The following STX18 variants were observed in gnomAD, a reference collection of about 807,000 sequenced individuals.
STX18 encodes the protein syntaxin 18.
Under a neutral mutation model 50.1 loss-of-function variants are expected in STX18, and 40 were observed. That is an observed-to-expected ratio of 0.80 (90% CI 0.62 to 1.04). The LOEUF is 1.04. Among genes scored for constraint, STX18 ranks in the 50% least tolerant of loss-of-function variants. The pLI is 0.00. For synonymous variants in STX18, 158 were observed against 151.8 expected (o/e 1.04, Z -0.30); for missense variants, 410 against 415.8 (o/e 0.99, Z 0.12).
chr4:4,459,433 G>A lies in STX18; in HGVS notation c.291C>T (p.Asp97=). Residue 97 remains aspartate (D), a synonymous_variant, in exon 3 of 11, where the codon GAC becomes GAT. Coordinates refer to ENST00000306200, the MANE Select transcript of STX18 (RefSeq NM_016930.4). ...RMTDTERDQI[D]QDAQIFMRTC... is the part of the protein sequence containing the mutation. ...TCCTCATGAATATCTGGGCATCCTG[G>A]TCTATCTGGTCTCGTTCTGTGTCTG... The A allele has an allele frequency of 6.2e-7, 1 of 1,614,090 alleles. No individual in the cohort carries two copies.
At chr4:4,438,807 C>A (rs1014656087) in intron 5 of STX18, among the ~76,000 whole-genome samples, 2 of 151,962 alleles carry the variant, frequency 1.3e-5, no homozygotes, top group Non-Finnish European at 2.9e-5. Context: ...CATAGACTGA[C>A]ACACCGCACT....
intron 5 of STX18, among the ~76,000 whole-genome samples, chr4:4,451,018 C>T (rs1726716147): frequency 6.6e-6 from 1 of 152,210 alleles, no homozygotes; most frequent in Non-Finnish European, 1.5e-5. Flanking sequence ...TAACTATATA[C>T]AGAATGTCTA....
Position 4,465,547 on chromosome 4 carries a change from C to G in STX18, c.237-6060G>C, listed in dbSNP as rs375736312. Among the ~76,000 whole-genome samples, 19 of 152,196 alleles carry G rather than the reference C, an allele frequency of 1.2e-4. No individual in the cohort carries two copies. In the East Asian group the frequency reaches 1.5e-3, roughly 12 times the overall value. Reference sequence around the variant, plus strand: ...ACATGTTCTCACTTATAAATGGGAGCTGAATTATGGGAACGCATGGACATG... The same window carrying G: ...ACATGTTCTCACTTATAAATGGGAGGTGAATTATGGGAACGCATGGACATG... On this transcript the variant is annotated intron_variant, in intron 2 of 10. Coordinates refer to ENST00000306200, the MANE Select transcript of STX18 (RefSeq NM_016930.4).
At chr4:4,471,790 C>G in intron 1 of STX18, 84 bp from the exon 2 acceptor site, 1 of 1,019,312 alleles carries the variant, frequency 9.8e-7, no homozygotes. Flanking sequence ...GAATAAAATG[C>G]AAATTGCAGA....
chr4:4,526,798 A>G (rs1730785335), intron 1 of STX18, among the ~76,000 whole-genome samples: 1 of 152,088 alleles, frequency 6.6e-6, no homozygotes, highest in African/African-American at 2.4e-5. Context: ...GTGAGACTCT[A>G]TCTCCAAAAA....
intron 5 of STX18, among the ~76,000 whole-genome samples, chr4:4,447,592 CAAAAAAAAAAAAAAAAAAAAAA>C (rs34300930): frequency 8.7e-4 from 40 of 45,904 alleles, no homozygotes; most frequent in Non-Finnish European, 1.4e-3. Context: ...CTCCGTCTCA[CAAAAAAAAAAAAAAAAAAAAAA>C]AAAAAAAAAA....
chr4:4,439,521 C>T (rs1725991365), intron 5 of STX18, among the ~76,000 whole-genome samples: 1 of 140,160 alleles, frequency 7.1e-6, no homozygotes, highest in Non-Finnish European at 1.5e-5. Flanking sequence ...TATACATACA[C>T]ATATACTCCC....
At chr4:4,537,967 A>G (rs2108933518) in intron 1 of STX18, among the ~76,000 whole-genome samples, 1 of 152,324 alleles carries the variant, frequency 6.6e-6, no homozygotes, top group African/African-American at 2.4e-5. Flanking sequence ...GCATTAAACC[A>G]GGTCAAAGGA....
intron 5 of STX18, among the ~76,000 whole-genome samples, chr4:4,442,945 G>A (rs1001549780): frequency 2.6e-5 from 4 of 151,906 alleles, no homozygotes; most frequent in African/African-American, 9.7e-5. Context: ...TTCCTCATAA[G>A]AAGATGATGC....
At chr4:4,422,915 A>C (rs565322996) in intron 9 of STX18, among the ~76,000 whole-genome samples, 2 of 152,376 alleles carry the variant, frequency 1.3e-5, no homozygotes, top group Non-Finnish European at 2.9e-5. Context: ...TAAAAATAAA[A>C]GGGCAAATTT....
rs1730096172 is a variant in STX18, at chr4:4,513,380, C to G, written c.168+28417G>C. Among the ~76,000 whole-genome samples the G allele has an allele frequency of 2.6e-5, 4 of 152,252 alleles. No homozygotes were observed. The South Asian group carries it at 8.3e-4, about 32-fold the overall frequency. ...GATTACAGCTTTATCCCAGAAGCAG[C>G]ACCACTTTATCCAGCCAGGAGCCAA... On this transcript the variant is annotated intron_variant, in intron 1 of 10. Coordinates refer to ENST00000306200, the MANE Select transcript of STX18 (RefSeq NM_016930.4).
intron 2 of STX18, among the ~76,000 whole-genome samples, chr4:4,468,866 G>C (rs1010896420): frequency 6.6e-6 from 1 of 152,120 alleles, no homozygotes; most frequent in African/African-American, 2.4e-5. Flanking sequence ...GTCTCAAAGT[G>C]GAAACAGCCC....
At chr4:4,496,241 C>T (rs1262079710) in intron 1 of STX18, among the ~76,000 whole-genome samples, 1 of 152,150 alleles carries the variant, frequency 6.6e-6, no homozygotes, top group African/African-American at 2.4e-5. Flanking sequence ...GGTAAGGTAA[C>T]AGAGAGGCCT....
chr4:4,451,364 A>G (rs752692087), intron 5 of STX18, among the ~76,000 whole-genome samples: 6 of 152,250 alleles, frequency 3.9e-5, no homozygotes, highest in Non-Finnish European at 8.8e-5. Flanking sequence ...TATAATTATT[A>G]GACAAAAGTA....
At chr4:4,446,518 C>T (rs770928369) in intron 5 of STX18, among the ~76,000 whole-genome samples, 2 of 152,186 alleles carry the variant, frequency 1.3e-5, no homozygotes, top group African/African-American at 2.4e-5. Context: ...AGATACTTCA[C>T]AGGAAGAAAA....
intron 6 of STX18, 115 bp from the exon 7 acceptor site, chr4:4,434,973 T>C: frequency 1.4e-6 from 1 of 698,482 alleles, no homozygotes; most frequent in South Asian, 2.1e-5. Context: ...GCTTTGTCTA[T>C]ATATTTCATG....
rs770257333 is a variant in STX18 at position 4,420,928 on chromosome 4, C to T, written c.848G>A (p.Ser283Asn). Residue 283 changes from serine to asparagine, a missense_variant, in exon 10 of 11, where the codon AGC becomes AAC. Transcript: ENST00000306200. The surrounding 1 kb of genome is among the most constrained non-coding windows in gnomAD (Gnocchi z 4.3). Reference protein sequence around the residue: ...KVLQQEAEIDSIHQLVVGATE... With the variant: ...KVLQQEAEIDNIHQLVVGATE... ...TGCCCCCACAACTAACTGGTGAATG[C>T]TGTCAATCTCAGCTTCCTGTGGAAG... 3.0e-5 allele frequency: 49 copies of T among 1,613,974 alleles called. No homozygotes were observed. The highest frequency in any genetic ancestry group is 3.9e-5 in the Non-Finnish European group (46 of 1,179,996).
At position 4,420,856 on chromosome 4, in the gene STX18, G is replaced by A. The variant is rs755870966; in HGVS notation, c.912+8C>T. On this transcript the variant is annotated splice_region_variant and intron_variant, in intron 10 of 10. Coordinates refer to ENST00000306200, the MANE Select transcript of STX18 (RefSeq NM_016930.4). The surrounding 1 kb of genome is among the most constrained non-coding windows in gnomAD (Gnocchi z 4.3). ...ACGTCGCACCTGGGGAACCTAAACA[G>A]TGCCTACCTCTCTTATGTCTTCGTT... 3 of 1,613,778 alleles carry A rather than the reference G, an allele frequency of 1.9e-6. No individual in the cohort carries two copies. The highest frequency in any genetic ancestry group is 2.7e-5 in the African/African-American group (2 of 74,938).
chr4:4,474,679 A>G lies in STX18; in HGVS notation c.169-2973T>C, dbSNP rs533149463. Among the ~76,000 whole-genome samples, 7 of 152,312 alleles carry G rather than the reference A, an allele frequency of 4.6e-5. No homozygotes were observed. In the South Asian group the frequency reaches 1.5e-3, roughly 32 times the overall value. ...CAGAAGGGAGAGTGAGAGTAATGCA[A>G]TGTGAGAAAGACTCATTCCAATGTT... is the stretch of plus-strand genomic sequence containing the variant. On this transcript the variant is annotated intron_variant, in intron 1 of 10. Transcript: ENST00000306200.
Sources: gnomAD v4.1 joint callset for allele counts (sites outside exome capture counted in the v4.1 genomes callset) on GRCh38, gnomAD v4.1.1 for gene constraint, Gnocchi (gnomAD v3.1) non-coding constraint, MANE v1.5 for transcripts, NCBI Gene and HGNC (gene_info 2026-07-23, HGNC 2026-07-21) for gene names.